The following EXPH5 variants were observed in gnomAD, a reference collection of about 807,000 sequenced individuals.
EXPH5 encodes exophilin-5.
Under a neutral mutation model 41.1 loss-of-function variants are expected in EXPH5, and 42 were observed. The observed-to-expected ratio is 1.02, with a 90% CI of 0.80 to 1.32. The LOEUF (loss-of-function observed/expected upper bound fraction) is 1.32. Ranked by LOEUF, EXPH5 falls within the 40% of genes most tolerant of loss-of-function variation. The pLI, the probability that EXPH5 is intolerant of heterozygous loss-of-function variation, is 0.00. For missense variants in EXPH5, 2,298 were observed against 2,314.5 expected (o/e 0.99, Z 0.15); for synonymous variants, 798 against 833.5 (o/e 0.96, Z 0.73).
At chr11:108,594,689 C>A (rs2136134510), upstream of EXPH5, among the ~76,000 whole-genome samples, 3 of 152,240 alleles carry the variant, frequency 2.0e-5, no homozygotes, top group Middle Eastern at 3.4e-3. Context: ...TGCCCCATAG[C>A]CTTAATTTGG....
At chr11:108,570,969 G>A (rs61047915) in intron 1 of EXPH5, among the ~76,000 whole-genome samples, 28,228 of 152,182 alleles carry the variant, frequency 0.19, 2,714 homozygotes, top group East Asian at 0.3. Flanking sequence ...TTACATTTAT[G>A]TATTGTTTTG....
the EXPH5 span, among the ~76,000 whole-genome samples, chr11:108,605,684 TTGCTAACTC>T: frequency 6.6e-5 from 10 of 152,360 alleles, no homozygotes; most frequent in African/African-American, 2.4e-4. Flanking sequence ...ACTCTGCTAA[TTGCTAACTC>T]TGCGTCCTTT....
chr11:108,539,737 C>G lies in EXPH5; in HGVS notation c.281-551G>C, dbSNP rs774749219. Among the ~76,000 whole-genome samples the G allele has an allele frequency of 2.8e-4, 43 of 152,102 alleles. 1 individual carries two copies. Among genetic ancestry groups the G allele is most frequent in the Non-Finnish European group, 5.1e-4 (35 of 68,024 alleles). The stretch of plus-strand genomic sequence containing the variant: ...GGGTGAGCATCCTAAACCCGAAAAA[C>G]TTGAAATCAAAAATTTCCCCAAAAT... On this transcript the variant is annotated intron_variant, in intron 2 of 5. Coordinates refer to ENST00000265843, the MANE Select transcript of EXPH5 (RefSeq NM_015065.3).
intron 1 of EXPH5, among the ~76,000 whole-genome samples, chr11:108,561,141 A>G (rs145826985): frequency 2.6e-5 from 4 of 152,370 alleles, no homozygotes; most frequent in African/African-American, 4.8e-5. Context: ...CTATTTCCCA[A>G]AAATGAAAAG....
chr11:108,568,322 T>A (rs1004379452), intron 1 of EXPH5, among the ~76,000 whole-genome samples: 3 of 152,138 alleles, frequency 2.0e-5, no homozygotes, highest in African/African-American at 7.2e-5. Flanking sequence ...GGGCACCTGC[T>A]GCCTGGCAGG....
At chr11:108,568,767 T>C (rs867948931) in intron 1 of EXPH5, among the ~76,000 whole-genome samples, 1 of 152,206 alleles carries the variant, frequency 6.6e-6, no homozygotes, top group African/African-American at 2.4e-5. Context: ...CCTTTCTCCT[T>C]CCTCCTGCAG....
chr11:108,524,762 TC>T (rs2093787218), intron 4 of EXPH5, among the ~76,000 whole-genome samples: 1 of 152,218 alleles, frequency 6.6e-6, no homozygotes, highest in Admixed American at 6.5e-5. Context: ...TTCAAGGTGT[TC>T]CTGAATTTGT....
chr11:108,583,287 C>T (rs886654414), intron 1 of EXPH5, among the ~76,000 whole-genome samples: 2 of 151,292 alleles, frequency 1.3e-5, no homozygotes, highest in Non-Finnish European at 1.5e-5. Context: ...GAGGCTGAGG[C>T]AGGAGAATGG....
chr11:108,526,800 G>A (rs540857869), intron 4 of EXPH5, among the ~76,000 whole-genome samples: 3 of 152,230 alleles, frequency 2.0e-5, no homozygotes, highest in South Asian at 2.1e-4. Flanking sequence ...TCTTTAACTC[G>A]TTAAACCTCA....
intron 4 of EXPH5, among the ~76,000 whole-genome samples, chr11:108,524,636 GC>G (rs1158745035): frequency 6.6e-6 from 1 of 152,218 alleles, no homozygotes; most frequent in Non-Finnish European, 1.5e-5. Flanking sequence ...TCATAGAGTA[GC>G]CTTAGAGTAC....
intron 1 of EXPH5, among the ~76,000 whole-genome samples, chr11:108,543,361 A>G (rs1383798699): frequency 1.3e-5 from 2 of 152,220 alleles, no homozygotes; most frequent in African/African-American, 4.8e-5. Flanking sequence ...CTGTTTGGAA[A>G]TGAGAGGTGC....
intron 1 of EXPH5, among the ~76,000 whole-genome samples, chr11:108,547,353 C>T (rs898974153): frequency 6.6e-6 from 1 of 151,936 alleles, no homozygotes; most frequent in Admixed American, 6.6e-5. Flanking sequence ...GCTACTATGC[C>T]CAGCTAATAT....
intron 3 of EXPH5, among the ~76,000 whole-genome samples, chr11:108,536,341 C>T (rs1304950552): frequency 6.6e-6 from 1 of 151,606 alleles, no homozygotes; most frequent in Non-Finnish European, 1.5e-5. Flanking sequence ...CAGCGGCTCA[C>T]CGTACCCTCC....
chr11:108,520,372 G>C (rs1401055221), intron 4 of EXPH5, among the ~76,000 whole-genome samples: 1 of 151,996 alleles, frequency 6.6e-6, no homozygotes, highest in East Asian at 1.9e-4. Flanking sequence ...GGGGACTGCT[G>C]ATCTAGAATG....
intron 1 of EXPH5, among the ~76,000 whole-genome samples, chr11:108,576,503 C>T (rs1052144448): frequency 2.0e-5 from 3 of 151,846 alleles, no homozygotes; most frequent in Non-Finnish European, 2.9e-5. Context: ...GTACAAAATG[C>T]CAATGAATTG....
chr11:108,520,368 T>G lies in EXPH5; in HGVS notation c.493-1995A>C, dbSNP rs377506615. 5.9e-5 allele frequency among the ~76,000 whole-genome samples: 9 copies of G among 152,208 alleles called. No homozygotes were observed. In the East Asian group the frequency reaches 1.6e-3, roughly 26 times the overall value. ...CCCTGGTGCCAAAAACGGTGGGGAC[T>G]GCTGATCTAGAATGGTAGAACCCCT... On this transcript the variant is annotated intron_variant, in intron 4 of 5. Transcript: ENST00000265843.
At chr11:108,588,674 T>C (rs1246497032) in intron 1 of EXPH5, among the ~76,000 whole-genome samples, 1 of 152,218 alleles carries the variant, frequency 6.6e-6, no homozygotes, top group Non-Finnish European at 1.5e-5. Flanking sequence ...ATTATTACAG[T>C]TGTTTTATTA....
chr11:108,586,265 T>C (rs2094112557), intron 1 of EXPH5, among the ~76,000 whole-genome samples: 1 of 152,192 alleles, frequency 6.6e-6, no homozygotes, highest in Non-Finnish European at 1.5e-5. Context: ...GAATTATTTA[T>C]ACATACGACA....
rs1435955590 is a variant in EXPH5 at position 108,513,966 on chromosome 11, G to T, written c.1541C>A (p.Ala514Glu). ...DRDFEMISMEANSVSAIHGHN... is the reference protein window; with the variant it reads ...DRDFEMISMEENSVSAIHGHN... ...GCCATGAATGGCTGATACACTATTTGCTTCCATGGAAATCATTTCAAAGTC... is the reference window on the plus strand; with the variant it reads ...GCCATGAATGGCTGATACACTATTTTCTTCCATGGAAATCATTTCAAAGTC... The change falls in exon 6 of 6, where the codon GCA becomes GAA. Residue 514 changes from alanine (A) to glutamate (E), a missense_variant. Physicochemically the swap from Ala to Glu is moderately radical, Grantham distance 107 (BLOSUM62 -1). Transcript: ENST00000265843. 1.2e-6 allele frequency: 2 copies of T among 1,609,074 alleles called. No individual in the cohort carries two copies. Among genetic ancestry groups the T allele is most frequent in the Admixed American group, 3.4e-5 (2 of 59,332 alleles).
Sources: gnomAD v4.1 joint callset for allele counts (sites outside exome capture counted in the v4.1 genomes callset) on GRCh38, gnomAD v4.1.1 for gene constraint, MANE v1.5 for transcripts, NCBI Gene and HGNC (gene_info 2026-07-23, HGNC 2026-07-21) for gene names.